Variants in CCSER1 observed in about 807,000 individuals in gnomAD.
CCSER1 encodes coiled-coil serine rich protein 1, also known as serine-rich coiled-coil domain-containing protein 1.
Under a neutral mutation model 82.0 loss-of-function variants are expected in CCSER1, and 41 were observed. The ratio of observed to expected loss-of-function variants is 0.50; its 90% CI spans 0.39 to 0.65. CCSER1 has a LOEUF of 0.65. Among genes scored for constraint, CCSER1 ranks in the 30% least tolerant of loss-of-function variants. The pLI is 0.00. For synonymous variants in CCSER1, 414 were observed against 383.9 expected (o/e 1.08, Z -0.92); for missense variants, 1,119 against 1,064.2 (o/e 1.05, Z -0.72).
intron 8 of CCSER1, among the ~76,000 whole-genome samples, chr4:90,872,122 C>T (rs1461434870): frequency 1.3e-5 from 2 of 151,690 alleles, no homozygotes; most frequent in African/African-American, 4.8e-5. Flanking sequence ...ATCCATTCAG[C>T]TACTTTATGT....
chr4:91,274,572 C>T (rs1742276335), intron 10 of CCSER1, among the ~76,000 whole-genome samples: 1 of 152,098 alleles, frequency 6.6e-6, no homozygotes, highest in African/African-American at 2.4e-5. Context: ...TGAGTGAGAA[C>T]ATGCACTATT....
chr4:90,978,007 G>C (rs911619909), intron 9 of CCSER1, among the ~76,000 whole-genome samples: 3 of 151,440 alleles, frequency 2.0e-5, no homozygotes, highest in African/African-American at 7.3e-5. Flanking sequence ...GTATATTAGG[G>C]GTTTCTGATA....
At chr4:90,723,260 C>T (rs1225876535) in intron 6 of CCSER1, among the ~76,000 whole-genome samples, 2 of 151,748 alleles carry the variant, frequency 1.3e-5, no homozygotes, top group African/African-American at 2.4e-5. Context: ...TCATTAAAGA[C>T]GTTTTAATTG....
intron 10 of CCSER1, among the ~76,000 whole-genome samples, chr4:91,570,537 C>T (rs1763124799): frequency 6.6e-6 from 1 of 152,188 alleles, no homozygotes; most frequent in African/African-American, 2.4e-5. Flanking sequence ...GCAGGCCAAA[C>T]AACATGTGTA....
intron 4 of CCSER1, among the ~76,000 whole-genome samples, chr4:90,428,291 C>T (rs1757807913): frequency 6.6e-6 from 1 of 151,770 alleles, no homozygotes. Context: ...GAAAGAAATA[C>T]TTTGATGCAT....
intron 6 of CCSER1, among the ~76,000 whole-genome samples, chr4:90,691,250 C>G (rs926973739): frequency 6.6e-6 from 1 of 151,908 alleles, no homozygotes; most frequent in Non-Finnish European, 1.5e-5. Flanking sequence ...CATAAAACCT[C>G]TAAGTTTTAC....
intron 8 of CCSER1, among the ~76,000 whole-genome samples, chr4:90,920,301 T>A (rs1394929505): frequency 6.6e-6 from 1 of 152,006 alleles, no homozygotes; most frequent in Non-Finnish European, 1.5e-5. Context: ...TTTTATGGTC[T>A]TTAATTATAA....
intron 10 of CCSER1, among the ~76,000 whole-genome samples, chr4:91,180,963 AT>A (rs1254568545): frequency 2.6e-5 from 4 of 152,260 alleles, no homozygotes; most frequent in African/African-American, 9.6e-5. Flanking sequence ...CAGCAGGAGC[AT>A]GTCCTTAAGG....
intron 10 of CCSER1, among the ~76,000 whole-genome samples, chr4:91,262,314 A>C (rs529346282): frequency 3.9e-5 from 6 of 152,224 alleles, no homozygotes; most frequent in African/African-American, 1.4e-4. Flanking sequence ...ATAGACTCTC[A>C]ATACATGTTA....
chr4:91,106,647 A>G (rs893350468), intron 10 of CCSER1, among the ~76,000 whole-genome samples: 2 of 152,202 alleles, frequency 1.3e-5, no homozygotes, highest in Non-Finnish European at 2.9e-5. Context: ...ATAGAAACTT[A>G]TGTGTCAGGT....
At chr4:90,232,394 T>C (rs1347228380) in intron 1 of CCSER1, among the ~76,000 whole-genome samples, 1 of 152,082 alleles carries the variant, frequency 6.6e-6, no homozygotes, top group Admixed American at 6.5e-5. Context: ...ATTTAATAAA[T>C]GGTGCTAGGA....
At chr4:91,274,379 G>A (rs1742264214) in intron 10 of CCSER1, among the ~76,000 whole-genome samples, 1 of 152,000 alleles carries the variant, frequency 6.6e-6, no homozygotes. Flanking sequence ...AAACACTGTT[G>A]TTTACTATAG....
intron 10 of CCSER1, among the ~76,000 whole-genome samples, chr4:91,488,628 C>A (rs1758346430): frequency 6.6e-6 from 1 of 152,200 alleles, no homozygotes; most frequent in Admixed American, 6.5e-5. Flanking sequence ...CCAGCTCTTT[C>A]TTCCTCCTGC....
intron 3 of CCSER1, among the ~76,000 whole-genome samples, chr4:90,360,851 G>A (rs1027545091): frequency 2.6e-5 from 4 of 152,054 alleles, no homozygotes; most frequent in African/African-American, 9.7e-5. Context: ...TATACCTTCT[G>A]ATATAAATTA....
chr4:90,276,753 G>A (rs574937607), intron 1 of CCSER1, among the ~76,000 whole-genome samples: 62 of 152,214 alleles, frequency 4.1e-4, no homozygotes, highest in Admixed American at 1.8e-3. Flanking sequence ...AAAAATAGAC[G>A]TCTTGGTTTC....
intron 10 of CCSER1, among the ~76,000 whole-genome samples, chr4:91,120,546 G>A (rs1352336651): frequency 6.6e-6 from 1 of 151,968 alleles, no homozygotes; most frequent in Non-Finnish European, 1.5e-5. Context: ...CTAAAACATG[G>A]GATGATACTT....
At chr4:90,943,702 A>G (rs924250757) in intron 9 of CCSER1, among the ~76,000 whole-genome samples, 4 of 143,538 alleles carry the variant, frequency 2.8e-5, no homozygotes, top group Admixed American at 7.1e-5. Flanking sequence ...AGCTGGGACT[A>G]CAAACATGAG....
intron 10 of CCSER1, among the ~76,000 whole-genome samples, chr4:91,505,322 T>C (rs1759429094): frequency 3.3e-5 from 5 of 152,246 alleles, no homozygotes; most frequent in Admixed American, 3.3e-4. Flanking sequence ...TACCACATTT[T>C]CTTTAATCAG....
At chr4:91,194,321 A>G (rs2149053952) in intron 10 of CCSER1, among the ~76,000 whole-genome samples, 1 of 152,320 alleles carries the variant, frequency 6.6e-6, no homozygotes, top group Admixed American at 6.5e-5. Flanking sequence ...TAAAATTAAC[A>G]TCATGAAAGG....
Sources: gnomAD v4.1 joint callset for allele counts (sites outside exome capture counted in the v4.1 genomes callset) on GRCh38, gnomAD v4.1.1 for gene constraint, MANE v1.5 for transcripts, NCBI Gene and HGNC (gene_info 2026-07-23, HGNC 2026-07-21) for gene names.